Variants in COL13A1 observed in about 807,000 individuals in gnomAD.
COL13A1 encodes collagen type XIII alpha 1 chain, also known as collagen alpha-1(XIII) chain.
A neutral mutation model predicts 130.9 loss-of-function variants in COL13A1; 89 were observed. The observed-to-expected ratio is 0.68, with a 90% confidence interval of 0.57 to 0.81. The LOEUF (loss-of-function observed/expected upper bound fraction) is 0.81. Ranked by LOEUF, COL13A1 falls within the 30% of genes least tolerant of loss-of-function variation. The pLI is 0.00. For missense variants in COL13A1, 879 were observed against 934.6 expected (o/e 0.94, Z 0.78); for synonymous variants, 402 against 341.6 (o/e 1.18, Z -1.95).
intron 2 of COL13A1, among the ~76,000 whole-genome samples, chr10:69,835,792 C>T (rs1849894756): frequency 6.6e-6 from 1 of 152,232 alleles, no homozygotes; most frequent in South Asian, 2.1e-4. Flanking sequence ...GTCCAGGGAG[C>T]ATGGAGTCAG....
chr10:69,872,195 A>G lies in COL13A1; in HGVS notation c.384A>G (p.Gly128=), dbSNP rs770339501. The change falls in exon 4 of 41, where the codon GGA becomes GGG. Residue 128 remains glycine (G), a synonymous_variant. Coordinates refer to ENST00000645393, the MANE Select transcript of COL13A1 (RefSeq NM_001368882.1). ...NCPPGPPGPT[G]RPGLPGDKGA... is the part of the protein sequence containing the mutation. ...ACTCTTCATTTCAGGGTCCCACTGGAAGACCCGGACTCCCAGTAAGTCACT... is the reference window on the plus strand; with the variant it reads ...ACTCTTCATTTCAGGGTCCCACTGGGAGACCCGGACTCCCAGTAAGTCACT... 6.2e-7 allele frequency: 1 copy of G among 1,614,044 alleles called. No individual in the cohort carries two copies. Among genetic ancestry groups the G allele is most frequent in the South Asian group, 1.1e-5 (1 of 91,082 alleles).
chr10:69,842,655 G>A (rs896455147), intron 2 of COL13A1, among the ~76,000 whole-genome samples: 1 of 152,210 alleles, frequency 6.6e-6, no homozygotes, highest in African/African-American at 2.4e-5. Flanking sequence ...GCTCCATGAG[G>A]CTGTAGTGTA....
At chr10:69,883,097 C>G (rs2060298635) in intron 7 of COL13A1, among the ~76,000 whole-genome samples, 1 of 152,188 alleles carries the variant, frequency 6.6e-6, no homozygotes, top group African/African-American at 2.4e-5. Flanking sequence ...ACCTGCCTCC[C>G]CTCTTGGAGT....
chr10:69,853,850 C>T (rs1855670707), intron 2 of COL13A1, among the ~76,000 whole-genome samples: 1 of 152,060 alleles, frequency 6.6e-6, no homozygotes, highest in Non-Finnish European at 1.5e-5. Flanking sequence ...CGTAGGTATG[C>T]GTGTGGACGA....
intron 17 of COL13A1, among the ~76,000 whole-genome samples, chr10:69,915,190 A>T (rs929013975): frequency 1.3e-5 from 2 of 152,244 alleles, no homozygotes; most frequent in Non-Finnish European, 1.5e-5. Context: ...CCACATTGGA[A>T]GGGATTGTTG....
chr10:69,841,129 C>T (rs1039655418), intron 2 of COL13A1, among the ~76,000 whole-genome samples: 18 of 151,532 alleles, frequency 1.2e-4, no homozygotes, highest in Non-Finnish European at 2.2e-4. Flanking sequence ...AGGAGCAGGG[C>T]TCTCATCACC....
chr10:69,936,157 GA>G (rs1301993185), intron 32 of COL13A1, among the ~76,000 whole-genome samples: 1 of 21,156 alleles, frequency 4.7e-5, no homozygotes, highest in Non-Finnish European at 9.7e-5. Context: ...AGGAAGGAAG[GA>G]AGGAAGGAAG....
chr10:69,872,232 T>C, intron 4 of COL13A1, 22 bp downstream of exon 4: 1 of 1,613,864 alleles, frequency 6.2e-7, no homozygotes, highest in South Asian at 1.1e-5. Flanking sequence ...TTGTTTCTTC[T>C]TTCCTTTGCA....
intron 1 of COL13A1, among the ~76,000 whole-genome samples, chr10:69,816,020 G>A (rs1043658418): frequency 1.3e-5 from 2 of 151,756 alleles, no homozygotes; most frequent in African/African-American, 2.4e-5. Context: ...GAACACCCAG[G>A]CAGAGAGCCC....
chr10:69,839,215 C>T (rs4746007), intron 2 of COL13A1, among the ~76,000 whole-genome samples: 6,599 of 152,268 alleles, frequency 0.043, 179 homozygotes, highest in Non-Finnish European at 0.057. Context: ...ACTTGTGAAG[C>T]GCTTGCCATG....
intron 33 of COL13A1, among the ~76,000 whole-genome samples, chr10:69,937,100 C>G (rs765600930): frequency 6.6e-6 from 1 of 152,194 alleles, no homozygotes; most frequent in African/African-American, 2.4e-5. Flanking sequence ...AGAGAGACAG[C>G]AACATAGGGT....
intron 1 of COL13A1, among the ~76,000 whole-genome samples, chr10:69,820,327 C>T (rs1189440593): frequency 6.6e-6 from 1 of 152,252 alleles, no homozygotes; most frequent in Non-Finnish European, 1.5e-5. Flanking sequence ...TGGCAGCTTG[C>T]TCAGTGCTGC....
chr10:69,814,995 T>A (rs1485639576), intron 1 of COL13A1, among the ~76,000 whole-genome samples: 2 of 152,268 alleles, frequency 1.3e-5, no homozygotes, highest in African/African-American at 4.8e-5. Flanking sequence ...CAACCCAAAA[T>A]TGATAGATGC....
chr10:69,946,786 T>A (rs2068612065), intron 37 of COL13A1, among the ~76,000 whole-genome samples: 1 of 151,236 alleles, frequency 6.6e-6, no homozygotes, highest in South Asian at 2.1e-4. Flanking sequence ...CTGTGTTTTT[T>A]TGTTTTTTGT....
At chr10:69,899,559 C>T (rs2061983969) in intron 14 of COL13A1, among the ~76,000 whole-genome samples, 1 of 152,180 alleles carries the variant, frequency 6.6e-6, no homozygotes, top group South Asian at 2.1e-4. Context: ...TGCTTAGCAT[C>T]TGATCCCTCG....
At position 69,922,763 on chromosome 10, in the gene COL13A1, C is replaced by T. The variant is rs2064849706; in HGVS notation, c.1199C>T (p.Pro400Leu). The change falls in exon 23 of 41, where the codon CCT becomes CTT. Residue 400 changes from proline (P) to leucine (L), a missense_variant. Pro to Leu is a moderately conservative substitution (Grantham distance 98). This residue lies in a region of COL13A1 where 715 missense variants were observed against 721.0 expected (regional missense o/e 0.99). Coordinates refer to ENST00000645393, the MANE Select transcript of COL13A1 (RefSeq NM_001368882.1). ...SIGGGRGEPG[P>L]PGLPGPPGPK... ...GGAGGAGGCAGAGGGGAACCTGGCC[C>T]TCCAGGGCTCCCTGGGCCCCCAGGG... 5 of 1,602,374 alleles carry T rather than the reference C, an allele frequency of 3.1e-6. No individual in the cohort carries two copies. Among genetic ancestry groups the T allele is most frequent in the East Asian group, 2.2e-5 (1 of 44,550 alleles).
chr10:69,905,813 C>T lies in COL13A1; in HGVS notation c.912C>T (p.His304=), dbSNP rs560046143. The part of the protein sequence containing the change: ...PKGDPGIQGY[H]GRKGERGMPG... ...GAGACCCAGGGATCCAGGGCTACCA[C>T]GGCCGGAAGGTAAGATGGAGGGGGA... Residue 304 remains histidine, a synonymous_variant, in exon 17 of 41, where the codon CAC becomes CAT. Transcript: ENST00000645393. The T allele has an allele frequency of 2.8e-5, 45 of 1,613,636 alleles. No homozygotes were observed. Among genetic ancestry groups the T allele is most frequent in the South Asian group, 9.9e-5 (9 of 90,940 alleles).
intron 2 of COL13A1, among the ~76,000 whole-genome samples, chr10:69,853,022 G>C (rs896146055): frequency 2.0e-5 from 3 of 152,170 alleles, no homozygotes; most frequent in Admixed American, 6.5e-5. Context: ...GGGAGCGGGG[G>C]GAGGTATGGG....
intron 2 of COL13A1, among the ~76,000 whole-genome samples, chr10:69,862,398 G>A (rs1304731281): frequency 1.3e-5 from 2 of 152,122 alleles, no homozygotes; most frequent in Non-Finnish European, 2.9e-5. Context: ...AAATTCAGTT[G>A]GTCTACCCAG....
Sources: gnomAD v4.1 joint callset for allele counts (sites outside exome capture counted in the v4.1 genomes callset) on GRCh38, gnomAD v4.1.1 for gene constraint, gnomAD v4.1.1 regional missense constraint, MANE v1.5 for transcripts, NCBI Gene and HGNC (gene_info 2026-07-23, HGNC 2026-07-21) for gene names.